Variants in NCALD observed in about 807,000 individuals in gnomAD.
The protein encoded by NCALD is neurocalcin delta.
A neutral mutation model predicts 18.6 loss-of-function variants in NCALD; 10 were observed. The observed-to-expected ratio is 0.54, with a 90% CI of 0.33 to 0.91. NCALD has a LOEUF of 0.91. Ranked by LOEUF, NCALD falls within the 40% of genes least tolerant of loss-of-function variation. NCALD has a pLI of 0.03. For synonymous variants in NCALD, 88 were observed against 87.4 expected (o/e 1.01, Z -0.04); for missense variants, 184 against 247.6 (o/e 0.74, Z 1.72).
intron 2 of NCALD, among the ~76,000 whole-genome samples, chr8:101,951,591 C>A (rs1203056140): frequency 6.6e-6 from 1 of 152,178 alleles, no homozygotes; most frequent in Non-Finnish European, 1.5e-5. Context: ...ATGACTGGAG[C>A]CTTCTGGAGC....
At chr8:101,816,889 G>C (rs1399203375) in intron 4 of NCALD, among the ~76,000 whole-genome samples, 1 of 152,076 alleles carries the variant, frequency 6.6e-6, no homozygotes, top group Admixed American at 6.6e-5. Flanking sequence ...TGCATGTTGT[G>C]GGGGCAGGGG....
intron 4 of NCALD, among the ~76,000 whole-genome samples, chr8:101,825,723 G>A (rs1023171083): frequency 6.6e-6 from 1 of 152,022 alleles, no homozygotes; most frequent in Non-Finnish European, 1.5e-5. Flanking sequence ...TTAAAGCAGG[G>A]GTCTGTGAAC....
chr8:101,692,484 G>A, intron 3 of NCALD: 1 of 985,442 alleles, frequency 1.0e-6, no homozygotes, highest in Non-Finnish European at 1.2e-6. Flanking sequence ...CCTGTCCCAA[G>A]GATGGGTCTG....
intron 4 of NCALD, among the ~76,000 whole-genome samples, chr8:101,862,988 C>T (rs1193445907): frequency 6.6e-6 from 1 of 152,146 alleles, no homozygotes; most frequent in Non-Finnish European, 1.5e-5. Flanking sequence ...GAAGTGAAGG[C>T]CCAAGAAGAA....
chr8:102,018,144 T>C (rs1483347024), intron 2 of NCALD, among the ~76,000 whole-genome samples: 2 of 152,188 alleles, frequency 1.3e-5, no homozygotes, highest in Non-Finnish European at 2.9e-5. Context: ...GAATGTAAAA[T>C]GGCACAGTCA....
At chr8:101,695,549 C>A (rs1419473873) in intron 2 of NCALD, among the ~76,000 whole-genome samples, 2 of 152,130 alleles carry the variant, frequency 1.3e-5, no homozygotes, top group Non-Finnish European at 2.9e-5. Flanking sequence ...TGAGTGCTCA[C>A]CTACCCCATC....
At chr8:102,031,525 G>A (rs1822668920) in intron 1 of NCALD, among the ~76,000 whole-genome samples, 1 of 152,106 alleles carries the variant, frequency 6.6e-6, no homozygotes, top group Non-Finnish European at 1.5e-5. Context: ...TTTGCCTTAT[G>A]CTAATTCATG....
intron 1 of NCALD, among the ~76,000 whole-genome samples, chr8:101,764,632 C>G (rs1019927350): frequency 6.6e-6 from 1 of 152,034 alleles, no homozygotes; most frequent in African/African-American, 2.4e-5. Context: ...AAAAAGAGGT[C>G]AAGAGAAAGT....
upstream of NCALD, among the ~76,000 whole-genome samples, chr8:101,791,625 A>G (rs916026446): frequency 7.9e-5 from 12 of 152,220 alleles, no homozygotes; most frequent in African/African-American, 2.4e-4. Flanking sequence ...GGATGTAGAC[A>G]TCAGATAACA....
At chr8:102,092,203 G>C (rs1178377482) in intron 1 of NCALD, among the ~76,000 whole-genome samples, 1 of 152,216 alleles carries the variant, frequency 6.6e-6, no homozygotes, top group Non-Finnish European at 1.5e-5. Context: ...GGCCATGACA[G>C]TTTGCAAATG....
At chr8:101,789,879 G>A (rs1183308376) in intron 1 of NCALD, among the ~76,000 whole-genome samples, 1 of 152,082 alleles carries the variant, frequency 6.6e-6, no homozygotes, top group East Asian at 1.9e-4. Flanking sequence ...GGAAGGAAAG[G>A]AACTACAATA....
intron 1 of NCALD, among the ~76,000 whole-genome samples, chr8:102,115,845 G>A (rs1287534308): frequency 6.6e-6 from 1 of 152,186 alleles, no homozygotes; most frequent in African/African-American, 2.4e-5. Flanking sequence ...AACAGGACCA[G>A]TGGCAGCTCT....
At chr8:102,094,459 A>C (rs1277125365) in intron 1 of NCALD, among the ~76,000 whole-genome samples, 2 of 152,196 alleles carry the variant, frequency 1.3e-5, no homozygotes, top group African/African-American at 4.8e-5. Flanking sequence ...ACAAGTACTA[A>C]GGCTGGGATT....
chr8:102,054,568 A>G (rs1000553158), intron 1 of NCALD, among the ~76,000 whole-genome samples: 1 of 151,964 alleles, frequency 6.6e-6, no homozygotes, highest in East Asian at 1.9e-4. Flanking sequence ...CTTTAGCTAC[A>G]TCAGCTTTTC....
At chr8:101,797,847 A>C (rs1427034054) in intron 4 of NCALD, among the ~76,000 whole-genome samples, 1 of 152,018 alleles carries the variant, frequency 6.6e-6, no homozygotes, top group Non-Finnish European at 1.5e-5. Context: ...TTCTGTTCCC[A>C]AGAAGACTAC....
intron 1 of NCALD, among the ~76,000 whole-genome samples, chr8:101,755,415 G>A (rs373156686): frequency 5.3e-5 from 8 of 152,212 alleles, no homozygotes; most frequent in East Asian, 1.9e-4. Context: ...TGTCAACCAC[G>A]CCCAGCACAG....
intron 2 of NCALD, among the ~76,000 whole-genome samples, chr8:102,017,832 A>C (rs1822141920): frequency 6.6e-6 from 1 of 152,240 alleles, no homozygotes; most frequent in South Asian, 2.1e-4. Context: ...AGACTGAGAA[A>C]AAGTATTTGC....
chr8:101,881,218 A>G (rs1816482906), intron 4 of NCALD, among the ~76,000 whole-genome samples: 1 of 152,214 alleles, frequency 6.6e-6, no homozygotes. Flanking sequence ...ATGGTGTCAT[A>G]TATTACTACA....
In NCALD at chr8:101,688,799, G is replaced by A. The variant is rs1814574518; in HGVS notation, c.*510C>T. 1 of 615,850 alleles carries A rather than the reference G, an allele frequency of 1.6e-6. No homozygotes were observed. The highest frequency in any genetic ancestry group is 2.2e-5 in the Admixed American group (1 of 46,370). 38.1% of individuals were successfully genotyped at this position (615,850 alleles called of 1,614,324 possible). A position where few individuals can be genotyped will look rare whatever the true frequency, so the allele number is the denominator to read the frequency against. ...GAAGAGAGGGGAGTGGGCCCCCATG[G>A]GGAAATGTCCCAGCTCGCTGGAATA... On this transcript the variant is annotated 3_prime_UTR_variant, in exon 4 of 4. Transcript: ENST00000220931.
Sources: gnomAD v4.1 joint callset for allele counts (sites outside exome capture counted in the v4.1 genomes callset) on GRCh38, gnomAD v4.1.1 for gene constraint, MANE v1.5 for transcripts, NCBI Gene and HGNC (gene_info 2026-07-23, HGNC 2026-07-21) for gene names.